CAMSAP2: variants seen among roughly 807,000 people sequenced by gnomAD.
CAMSAP2 encodes calmodulin-regulated spectrin-associated protein 2.
In CAMSAP2, 26 loss-of-function variants were observed where a neutral mutation model predicts 146.1. That is an observed-to-expected ratio of 0.18 (90% CI 0.13 to 0.25). The LOEUF (loss-of-function observed/expected upper bound fraction) is 0.25, where lower values mean the gene tolerates loss of function less well. Ranked by LOEUF, CAMSAP2 falls within the 10% of genes least tolerant of loss-of-function variation. The probability of loss-of-function intolerance (pLI) is 1.00; values close to 1 mark genes in which losing one functional copy is unlikely to be tolerated. For missense variants in CAMSAP2, 1,381 were observed against 1,759.3 expected (o/e 0.78, Z 3.85); for synonymous variants, 499 against 596.6 (o/e 0.84, Z 2.38).
intron 2 of CAMSAP2, among the ~76,000 whole-genome samples, chr1:200,783,695 G>A (rs1359218762): frequency 6.6e-6 from 1 of 151,882 alleles, no homozygotes; most frequent in African/African-American, 2.4e-5. Context: ...TCACTGTGTT[G>A]CCCAGATAGT....
Position 200,847,269 on chromosome 1 carries a change from C to T in CAMSAP2, c.1169C>T (p.Pro390Leu). Residue 390 changes from proline (P) to leucine (L), a missense_variant, in exon 9 of 17, where the codon CCC (proline) becomes CTC (leucine). Pro to Leu is a moderately conservative substitution (Grantham distance 98). Coordinates refer to ENST00000358823, the MANE Select transcript of CAMSAP2 (RefSeq NM_203459.4). Reference sequence around the variant, plus strand: ...CATTTGCCTTCTAGGTATTCACGTCCCCAGGCTCATTCTTCAGCCTCAGGT... The same window carrying T: ...CATTTGCCTTCTAGGTATTCACGTCTCCAGGCTCATTCTTCAGCCTCAGGT... The part of the protein sequence containing the change: ...HHHLPSRYSR[P>L]QAHSSASGGI... The T allele has an allele frequency of 6.2e-7, 1 of 1,611,680 alleles. No homozygotes were observed. Among genetic ancestry groups the T allele is most frequent in the East Asian group, 2.2e-5 (1 of 44,796 alleles).
intron 1 of CAMSAP2, among the ~76,000 whole-genome samples, chr1:200,754,734 C>T (rs1038538920): frequency 6.6e-6 from 1 of 152,034 alleles, no homozygotes; most frequent in East Asian, 1.9e-4. Context: ...AGGCACCCGC[C>T]ACCAGGCCCG....
intron 2 of CAMSAP2, among the ~76,000 whole-genome samples, chr1:200,799,525 T>C (rs1665980094): frequency 6.6e-6 from 1 of 152,222 alleles, no homozygotes; most frequent in Non-Finnish European, 1.5e-5. Context: ...ATATCCTCTT[T>C]ATCATTTTTT....
intron 4 of CAMSAP2, among the ~76,000 whole-genome samples, chr1:200,820,856 C>A (rs1210651712): frequency 1.3e-5 from 2 of 152,156 alleles, no homozygotes; most frequent in Admixed American, 6.5e-5. Context: ...TTATAAATGA[C>A]TTTTACTAGC....
At chr1:200,768,848 T>C (rs753766314) in intron 2 of CAMSAP2, among the ~76,000 whole-genome samples, 7 of 152,064 alleles carry the variant, frequency 4.6e-5, no homozygotes, top group Non-Finnish European at 1.0e-4. Context: ...GAGACAGGGT[T>C]TCACCATGTT....
At chr1:200,816,163 G>A (rs533135156) in intron 4 of CAMSAP2, among the ~76,000 whole-genome samples, 3 of 152,106 alleles carry the variant, frequency 2.0e-5, no homozygotes, top group East Asian at 1.9e-4. Context: ...GCATAGTGGC[G>A]TGTACCTGTA....
At chr1:200,765,163 C>T (rs1478688289) in intron 2 of CAMSAP2, among the ~76,000 whole-genome samples, 1 of 152,070 alleles carries the variant, frequency 6.6e-6, no homozygotes, top group East Asian at 1.9e-4. Context: ...ACATTTCTCT[C>T]AATCTCCACC....
chr1:200,821,852 TAA>T (rs1010614333), intron 4 of CAMSAP2, among the ~76,000 whole-genome samples: 1 of 152,218 alleles, frequency 6.6e-6, no homozygotes, highest in Admixed American at 6.5e-5. Flanking sequence ...AATCTTTACC[TAA>T]GAGTATGATA....
intron 2 of CAMSAP2, among the ~76,000 whole-genome samples, chr1:200,765,617 GAA>G (rs966170558): frequency 2.0e-5 from 3 of 151,716 alleles, no homozygotes; most frequent in African/African-American, 7.2e-5. Flanking sequence ...AGAAAACTGG[GAA>G]AAAAAACTAG....
chr1:200,814,152 G>GGGCGGGTT (rs1666414086), intron 3 of CAMSAP2, among the ~76,000 whole-genome samples: 1 of 119,878 alleles, frequency 8.3e-6, no homozygotes, highest in African/African-American at 3.0e-5. Flanking sequence ...GTGGGCGGGT[G>GGGCGGGTT]GGGAATGAAA....
intron 2 of CAMSAP2, among the ~76,000 whole-genome samples, chr1:200,768,368 A>G (rs116021923): frequency 2.0e-3 from 305 of 152,336 alleles, no homozygotes; most frequent in African/African-American, 6.7e-3. Context: ...CGTTAGCACT[A>G]GCTGCCTTTT....
At position 200,739,784 on chromosome 1, in the gene CAMSAP2, T is replaced by C. The variant is rs1487225618; in HGVS notation, c.-44T>C. On this transcript the variant is annotated 5_prime_UTR_variant, in exon 1 of 17. It removes an upstream start codon present in the reference 5' UTR. Transcript: ENST00000358823. The surrounding 1 kb of genome is among the most constrained non-coding windows in gnomAD (Gnocchi z 4.8). ...CCCCCGTGGTGGCGAGGCCACGCCA[T>C]GTGAAGGTTAGGGCCGGGACATCCC... 2 of 1,466,514 alleles carry C rather than the reference T, an allele frequency of 1.4e-6. No homozygotes were observed. Among genetic ancestry groups the C allele is most frequent in the Admixed American group, 1.9e-5 (1 of 53,846 alleles). The allele number at this position is 1,466,514 out of a possible 1,614,324, so 90.8% of individuals were successfully genotyped here. A position where few individuals can be genotyped will look rare whatever the true frequency, so the allele number is the denominator to read the frequency against.
At chr1:200,800,819 A>G (rs1326642839) in intron 2 of CAMSAP2, among the ~76,000 whole-genome samples, 7 of 152,142 alleles carry the variant, frequency 4.6e-5, no homozygotes, top group Admixed American at 1.3e-4. Flanking sequence ...TCCTATCCAC[A>G]TTTAGTGCTT....
chr1:200,769,984 T>C (rs554423825), intron 2 of CAMSAP2, among the ~76,000 whole-genome samples: 2 of 152,264 alleles, frequency 1.3e-5, no homozygotes, highest in South Asian at 4.2e-4. Flanking sequence ...TGAAAGACTA[T>C]AACAAGGGCT....
At chr1:200,800,486 C>T (rs1316772804) in intron 2 of CAMSAP2, among the ~76,000 whole-genome samples, 2 of 152,022 alleles carry the variant, frequency 1.3e-5, no homozygotes, top group Non-Finnish European at 2.9e-5. Context: ...AGGATTGCAA[C>T]CCTTGCTTTT....
At chr1:200,765,714 A>C (rs1307101921) in intron 2 of CAMSAP2, among the ~76,000 whole-genome samples, 1 of 152,212 alleles carries the variant, frequency 6.6e-6, no homozygotes, top group East Asian at 1.9e-4. Flanking sequence ...AGGGAGGATC[A>C]GGGAAGGCAT....
chr1:200,844,650 CTT>C, intron 7 of CAMSAP2, 130 bp from the exon 8 acceptor site: 1 of 471,108 alleles, frequency 2.1e-6, no homozygotes, highest in Non-Finnish European at 3.8e-6. Context: ...AAGAAGAAAA[CTT>C]TATGCTATGA....
chr1:200,857,349 C>T lies in CAMSAP2; in HGVS notation c.4056C>T (p.His1352=). The change falls in exon 16 of 17, where the codon CAC becomes CAT. Residue 1352 remains histidine, a synonymous_variant. Transcript: ENST00000358823. The surrounding 1 kb of genome is among the most constrained non-coding windows in gnomAD (Gnocchi z 4.7). ...AACCCAGTGCAAAATCCAATAAGCA[C>T]ATAATACAAAATGCTTTAGCTCATT... The part of the protein sequence containing the change: ...YKEPSAKSNK[H]IIQNALAHCC... 2.5e-6 allele frequency: 4 copies of T among 1,613,606 alleles called. No individual in the cohort carries two copies. The highest frequency in any genetic ancestry group is 1.3e-5 in the African/African-American group (1 of 74,994).
chr1:200,856,464 T>A (rs1335890166), intron 15 of CAMSAP2, among the ~76,000 whole-genome samples: 1 of 152,172 alleles, frequency 6.6e-6, no homozygotes, highest in Non-Finnish European at 1.5e-5. Flanking sequence ...TATCCAGAAT[T>A]GTGCACCTTT....
Sources: gnomAD v4.1 joint callset for allele counts (sites outside exome capture counted in the v4.1 genomes callset) on GRCh38, gnomAD v4.1.1 for gene constraint, Gnocchi (gnomAD v3.1) non-coding constraint, MANE v1.5 for transcripts, NCBI Gene and HGNC (gene_info 2026-07-23, HGNC 2026-07-21) for gene names.